CDH12: variants seen among roughly 807,000 people sequenced by gnomAD.
The protein encoded by CDH12 is cadherin 12, also known as cadherin-12.
In CDH12, 41 loss-of-function variants were observed where a neutral mutation model predicts 74.1. The ratio of observed to expected loss-of-function variants is 0.55; its 90% confidence interval spans 0.43 to 0.72. The LOEUF (loss-of-function observed/expected upper bound fraction) is 0.72, where lower values mean the gene tolerates loss of function less well. Ranked by LOEUF, CDH12 falls within the 30% of genes least tolerant of loss-of-function variation. The pLI is 0.00. For missense variants in CDH12, 945 were observed against 977.2 expected, an observed-to-expected ratio of 0.97 and a Z score of 0.44; for synonymous variants, 399 against 355.0, an observed-to-expected ratio of 1.12 and a Z score of -1.39.
chr5:22,734,349 A>G, intron 1 of CDH12, among the ~76,000 whole-genome samples: 1 of 150,820 alleles, frequency 6.6e-6, no homozygotes, highest in South Asian at 2.1e-4. Context: ...ACAACATAAT[A>G]AAAAAAATGC....
In CDH12 at chr5:21,953,861, A is replaced by G. The variant is rs1238962216; in HGVS notation, c.526+21230T>C. On this transcript the variant is annotated intron_variant, in intron 6 of 14. Transcript: ENST00000382254. ...GATACATATTTATTTAAGAAAAAAAATTAGGCCTTACAGAAAATTGGTTTC... is the reference window on the plus strand; with the variant it reads ...GATACATATTTATTTAAGAAAAAAAGTTAGGCCTTACAGAAAATTGGTTTC... 2.0e-5 allele frequency among the ~76,000 whole-genome samples: 3 copies of G among 152,224 alleles called. No homozygotes were observed. The East Asian group carries it at 5.8e-4, about 29-fold the overall frequency.
At chr5:22,034,695 A>AAC (rs1580145995) in intron 5 of CDH12, among the ~76,000 whole-genome samples, 2 of 152,228 alleles carry the variant, frequency 1.3e-5, no homozygotes, top group South Asian at 4.1e-4. Context: ...ATATTTGAAA[A>AAC]ACATTTGTGC....
chr5:22,637,594 A>G (rs1159559120), intron 1 of CDH12, among the ~76,000 whole-genome samples: 1 of 152,242 alleles, frequency 6.6e-6, no homozygotes, highest in East Asian at 1.9e-4. Context: ...AATGGCGCAG[A>G]TTGCGCTTCC....
chr5:21,883,994 T>C (rs1476668169), intron 6 of CDH12: 16 of 1,541,386 alleles, frequency 1.0e-5, no homozygotes. Flanking sequence ...TGGAAATTAT[T>C]AAAAGAACAC....
chr5:22,479,017 A>T (rs1325394497), intron 2 of CDH12, among the ~76,000 whole-genome samples: 1 of 152,166 alleles, frequency 6.6e-6, no homozygotes, highest in African/African-American at 2.4e-5. Context: ...CTTATCATCC[A>T]TAGGGTGATT....
At chr5:22,329,162 T>G (rs1028223053) in intron 3 of CDH12, among the ~76,000 whole-genome samples, 2 of 152,118 alleles carry the variant, frequency 1.3e-5, no homozygotes, top group African/African-American at 2.4e-5. Flanking sequence ...AATGATATCA[T>G]AAAAATTAAT....
intron 1 of CDH12, among the ~76,000 whole-genome samples, chr5:22,605,243 C>A (rs2126818040): frequency 6.6e-6 from 1 of 152,290 alleles, no homozygotes; most frequent in Admixed American, 6.5e-5. Flanking sequence ...GTCCACACTG[C>A]AGATTTGGAC....
At chr5:22,311,660 G>A (rs904570904) in intron 3 of CDH12, among the ~76,000 whole-genome samples, 3 of 144,068 alleles carry the variant, frequency 2.1e-5, no homozygotes, top group African/African-American at 7.8e-5. Context: ...CTGAGATCAC[G>A]CCATTGCACT....
At chr5:21,778,824 A>G (rs544494379) in intron 11 of CDH12, among the ~76,000 whole-genome samples, 1 of 152,300 alleles carries the variant, frequency 6.6e-6, no homozygotes, top group South Asian at 2.1e-4. Flanking sequence ...GCATGAATTT[A>G]TGTTGAATCT....
At chr5:22,716,066 G>A (rs530072067) in intron 1 of CDH12, among the ~76,000 whole-genome samples, 33 of 152,190 alleles carry the variant, frequency 2.2e-4, no homozygotes, top group African/African-American at 7.0e-4. Context: ...GAACCTGGGA[G>A]GCAGAGATTG....
intron 4 of CDH12, among the ~76,000 whole-genome samples, chr5:22,099,817 C>A (rs1160250329): frequency 6.6e-6 from 1 of 152,174 alleles, no homozygotes; most frequent in Non-Finnish European, 1.5e-5. Flanking sequence ...CCTCCCAATT[C>A]TTAGACCTTT....
chr5:22,185,010 A>G (rs4470728), intron 4 of CDH12, among the ~76,000 whole-genome samples: 15,523 of 151,430 alleles, frequency 0.1, 1,141 homozygotes, highest in African/African-American at 0.21. Flanking sequence ...CTCCCACCCT[A>G]CCCTCTCTGA....
intron 3 of CDH12, among the ~76,000 whole-genome samples, chr5:22,332,444 C>T (rs6452081): frequency 0.04 from 6,039 of 152,072 alleles, 397 homozygotes; most frequent in African/African-American, 0.14. Context: ...GCAATTGGAA[C>T]AAAAGCCTAA....
At chr5:22,491,113 T>C (rs766418452) in intron 2 of CDH12, among the ~76,000 whole-genome samples, 51 of 152,190 alleles carry the variant, frequency 3.4e-4, no homozygotes, top group Non-Finnish European at 1.0e-4. Flanking sequence ...TATTACCTTA[T>C]AGGTAGTTTT....
At chr5:22,506,824 T>C (rs1736405295) in intron 1 of CDH12, among the ~76,000 whole-genome samples, 1 of 152,138 alleles carries the variant, frequency 6.6e-6, no homozygotes, top group Non-Finnish European at 1.5e-5. Flanking sequence ...ATAACATTAT[T>C]TCATACTGAT....
Position 22,238,855 on chromosome 5 carries a change from A to G in CDH12, c.-332-26212T>C, listed in dbSNP as rs139602452. 4.7e-3 allele frequency among the ~76,000 whole-genome samples: 723 copies of G among 152,324 alleles called. 8 individuals are homozygous for G. The highest frequency in any genetic ancestry group is 0.016 in the African/African-American group (673 of 41,572). ...TGGGCTTTAGGGAAAGCTCCAAATA[A>G]TGAGTAGGCTTAAGTATCAAATAAT... is the stretch of plus-strand genomic sequence containing the variant. On this transcript the variant is annotated intron_variant, in intron 3 of 14. Coordinates refer to ENST00000382254, the MANE Select transcript of CDH12 (RefSeq NM_004061.5).
intron 1 of CDH12, among the ~76,000 whole-genome samples, chr5:22,779,495 A>C (rs935240294): frequency 6.6e-6 from 1 of 152,122 alleles, no homozygotes; most frequent in Non-Finnish European, 1.5e-5. Flanking sequence ...AAAACTTAAA[A>C]CAATAACCCC....
intron 8 of CDH12, among the ~76,000 whole-genome samples, chr5:21,825,689 T>C (rs924115112): frequency 1.3e-5 from 2 of 152,162 alleles, no homozygotes; most frequent in Non-Finnish European, 2.9e-5. Context: ...CCCTGAGATA[T>C]AGTGACTTCC....
chr5:22,342,564 C>G (rs185584520), intron 3 of CDH12, among the ~76,000 whole-genome samples: 2 of 108,148 alleles, frequency 1.8e-5, no homozygotes, highest in African/African-American at 6.5e-5. Context: ...CCCTTCCTTC[C>G]TCCCTCCCTC....
Sources: allele counts gnomAD v4.1 joint callset (sites outside exome capture counted in the v4.1 genomes callset), GRCh38; gene constraint gnomAD v4.1.1; transcripts MANE v1.5; gene names NCBI Gene and HGNC (gene_info 2026-07-23, HGNC 2026-07-21).